The following NDST4 variants were observed in gnomAD, a reference collection of about 807,000 sequenced individuals.
The protein encoded by NDST4 is N-deacetylase and N-sulfotransferase 4.
A neutral mutation model predicts 100.8 loss-of-function variants in NDST4; 63 were observed. The observed-to-expected ratio is 0.62, with a 90% CI of 0.51 to 0.77. NDST4 has a LOEUF of 0.77. Ranked by LOEUF, NDST4 falls within the 30% of genes least tolerant of loss-of-function variation. NDST4 has a pLI of 0.00. For missense variants in NDST4, 943 were observed against 1,018.4 expected (o/e 0.93, Z 1.01); for synonymous variants, 377 against 361.8 (o/e 1.04, Z -0.48).
chr4:115,076,110 A>G lies in NDST4; in HGVS notation c.927T>C (p.Asp309=), dbSNP rs1227567556. 2.5e-6 allele frequency: 4 copies of G among 1,613,616 alleles called. No individual in the cohort carries two copies. The highest frequency in any genetic ancestry group is 2.2e-5 in the South Asian group (2 of 91,020). Residue 309 remains aspartate, a synonymous_variant, in exon 2 of 14, where the codon GAT becomes GAC. Coordinates refer to ENST00000264363, the MANE Select transcript of NDST4 (RefSeq NM_022569.3). ...TTCCCTCTTTCCCAACAAATATATC[A>G]TCAATGTCCACAAGGATGTACCTGT... The part of the protein sequence containing the change: ...SLDRYILVDI[D]DIFVGKEGTR...
intron 6 of NDST4, among the ~76,000 whole-genome samples, chr4:114,889,698 C>G (rs1033215547): frequency 2.0e-5 from 3 of 152,196 alleles, no homozygotes; most frequent in Non-Finnish European, 4.4e-5. Context: ...TCAAATAAAG[C>G]AGCTGCGCCT....
chr4:115,033,958 C>A (rs1728177943), intron 2 of NDST4, among the ~76,000 whole-genome samples: 1 of 152,052 alleles, frequency 6.6e-6, no homozygotes, highest in South Asian at 2.1e-4. Flanking sequence ...TTGACACTAT[C>A]AATGTTTATC....
chr4:114,921,029 T>A (rs1480044026), intron 6 of NDST4, among the ~76,000 whole-genome samples: 1 of 152,204 alleles, frequency 6.6e-6, no homozygotes, highest in Non-Finnish European at 1.5e-5. Context: ...TTCTATGTAT[T>A]CCTTATTCGA....
At position 115,078,174 on chromosome 4, in the gene NDST4, G is replaced by T. The variant is rs75529827; in HGVS notation, c.-246-892C>A. Among the ~76,000 whole-genome samples, 565 of 152,246 alleles carry T rather than the reference G, an allele frequency of 3.7e-3. 3 individuals carry two copies. The highest frequency in any genetic ancestry group is 4.6e-3 in the South Asian group (22 of 4,824). The stretch of plus-strand genomic sequence containing the variant: ...TTATAAAGAAAAAAAGGATTAATTG[G>T]CTCACGGTTCTGCAGGCTGTACAGG... On this transcript the variant is annotated intron_variant, in intron 1 of 13. Transcript: ENST00000264363.
chr4:115,031,316 T>C lies in NDST4; in HGVS notation c.978+44743A>G, dbSNP rs113756865. ...TTCCATTGTTCAGAGGATAGATGAG[T>C]GGGAAAGGAATAATGCCTGGCTTGA... On this transcript the variant is annotated intron_variant, in intron 2 of 13. Transcript: ENST00000264363. Among the ~76,000 whole-genome samples, 343 of 151,990 alleles carry C rather than the reference T, an allele frequency of 2.3e-3. 1 individual carries two copies. The highest frequency in any genetic ancestry group is 7.9e-3 in the African/African-American group (326 of 41,446).
Position 115,105,829 on chromosome 4 carries a change from C to T in NDST4, c.-247+7615G>A, listed in dbSNP as rs192519165. The stretch of plus-strand genomic sequence containing the variant: ...TCTGCTAGCGTCACATAACATAAAA[C>T]AAATTCCTTTTGCATAAAAAAGTAT... On this transcript the variant is annotated intron_variant, in intron 1 of 13. Coordinates refer to ENST00000264363, the MANE Select transcript of NDST4 (RefSeq NM_022569.3). Among the ~76,000 whole-genome samples the T allele has an allele frequency of 1.9e-3, 296 of 152,204 alleles. 1 individual carries two copies. The highest frequency in any genetic ancestry group is 0.017 in the Middle Eastern group (5 of 294).
intron 2 of NDST4, among the ~76,000 whole-genome samples, chr4:115,023,896 T>G (rs1727919567): frequency 6.6e-6 from 1 of 152,124 alleles, no homozygotes; most frequent in African/African-American, 2.4e-5. Flanking sequence ...ACAAGCTCAT[T>G]GCCCAGATCT....
At chr4:114,993,602 T>A (rs925321896) in intron 2 of NDST4, among the ~76,000 whole-genome samples, 1 of 151,956 alleles carries the variant, frequency 6.6e-6, no homozygotes, top group African/African-American at 2.4e-5. Context: ...GAAATACATG[T>A]AAAATACTTA....
chr4:115,102,440 A>G (rs979684097), intron 1 of NDST4, among the ~76,000 whole-genome samples: 3 of 151,914 alleles, frequency 2.0e-5, no homozygotes, highest in Non-Finnish European at 2.9e-5. Context: ...TAAAATATCA[A>G]TGATAACAGT....
chr4:115,091,312 A>G (rs1729513927), intron 1 of NDST4, among the ~76,000 whole-genome samples: 1 of 152,138 alleles, frequency 6.6e-6, no homozygotes, highest in Admixed American at 6.6e-5. Context: ...TTTACAAGAA[A>G]TGACAAAATT....
At chr4:115,033,505 T>G (rs1728168065) in intron 2 of NDST4, among the ~76,000 whole-genome samples, 1 of 152,028 alleles carries the variant, frequency 6.6e-6, no homozygotes, top group African/African-American at 2.4e-5. Flanking sequence ...TTCTTTTACA[T>G]TTTTTATTTT....
intron 13 of NDST4, among the ~76,000 whole-genome samples, chr4:114,828,574 AT>A (rs150290806): frequency 0.014 from 2,177 of 152,266 alleles, 28 homozygotes; most frequent in Non-Finnish European, 0.022. Flanking sequence ...GCTAAAAAAA[AT>A]ATGAATGGTT....
intron 6 of NDST4, among the ~76,000 whole-genome samples, chr4:114,878,711 G>A (rs1211887104): frequency 6.6e-6 from 1 of 152,020 alleles, no homozygotes; most frequent in Admixed American, 6.6e-5. Flanking sequence ...GCCCAAATGA[G>A]TCGAGGTATG....
intron 2 of NDST4, among the ~76,000 whole-genome samples, chr4:114,980,534 C>T (rs189111160): frequency 5.3e-4 from 79 of 149,910 alleles, no homozygotes; most frequent in Admixed American, 1.4e-3. Flanking sequence ...CCCAGCTGCT[C>T]GGGAGGCTGA....
chr4:114,829,833 A>G lies in NDST4; in HGVS notation c.2456T>C (p.Leu819Pro). ...ATATTTTCGGCCTTTGCTTTTTCCA[A>G]GGCATTTTGTCTTTCCTCCTTCCAG... is the stretch of plus-strand genomic sequence containing the variant. The part of the protein sequence containing the change: ...QLLEGGKTKC[L>P]GKSKGRKYPP... The change falls in exon 13 of 14, where the codon CTT becomes CCT. Residue 819 changes from leucine to proline, a missense_variant. Coordinates refer to ENST00000264363, the MANE Select transcript of NDST4 (RefSeq NM_022569.3). The G allele has an allele frequency of 6.2e-7, 1 of 1,612,026 alleles. No homozygotes were observed. The highest frequency in any genetic ancestry group is 1.1e-5 in the South Asian group (1 of 90,794).
At chr4:115,020,896 A>G (rs1727796738) in intron 2 of NDST4, among the ~76,000 whole-genome samples, 1 of 152,110 alleles carries the variant, frequency 6.6e-6, no homozygotes, top group African/African-American at 2.4e-5. Flanking sequence ...GGCCATAATC[A>G]AAAAGTCAAA....
chr4:115,016,044 C>T (rs1042473628), intron 2 of NDST4, among the ~76,000 whole-genome samples: 17 of 151,992 alleles, frequency 1.1e-4, no homozygotes, highest in African/African-American at 4.1e-4. Context: ...CCAAAACTAC[C>T]ATCCGTGAAC....
chr4:115,103,969 T>C (rs1180769583), intron 1 of NDST4, among the ~76,000 whole-genome samples: 4 of 152,200 alleles, frequency 2.6e-5, no homozygotes, highest in Non-Finnish European at 5.9e-5. Context: ...GCATCTAGAA[T>C]TATCACGATA....
At chr4:114,996,338 TC>T (rs1463006956) in intron 2 of NDST4, among the ~76,000 whole-genome samples, 2 of 151,854 alleles carry the variant, frequency 1.3e-5, no homozygotes, top group African/African-American at 4.8e-5. Flanking sequence ...GTTTCCTGAG[TC>T]CCCCCAAATC....
Sources: gnomAD v4.1 joint callset for allele counts (sites outside exome capture counted in the v4.1 genomes callset) on GRCh38, gnomAD v4.1.1 for gene constraint, MANE v1.5 for transcripts, NCBI Gene and HGNC (gene_info 2026-07-23, HGNC 2026-07-21) for gene names.